Variants in NHSL1 observed in about 807,000 individuals in gnomAD.
NHSL1 encodes the protein NHS-like protein 1.
A neutral mutation model predicts 95.0 loss-of-function variants in NHSL1; 48 were observed. The ratio of observed to expected loss-of-function variants is 0.51; its 90% confidence interval spans 0.40 to 0.64. NHSL1 has a LOEUF of 0.64. NHSL1 is among the 30% of genes least tolerant of loss of function. The pLI, the probability that NHSL1 is intolerant of heterozygous loss-of-function variation, is 0.00. For missense variants in NHSL1, 1,971 were observed against 2,077.7 expected (o/e 0.95, Z 1.00); for synonymous variants, 783 against 833.9 (o/e 0.94, Z 1.05).
intron 1 of NHSL1, among the ~76,000 whole-genome samples, chr6:138,526,886 T>C (rs1196258692): frequency 6.6e-6 from 1 of 152,204 alleles, no homozygotes; most frequent in Non-Finnish European, 1.5e-5. Context: ...AATCAGCTGA[T>C]ACATCGTCAG....
chr6:138,543,795 T>C (rs935169865), intron 1 of NHSL1, among the ~76,000 whole-genome samples: 2 of 152,202 alleles, frequency 1.3e-5, no homozygotes, highest in Non-Finnish European at 2.9e-5. Flanking sequence ...AAAATCATTA[T>C]TGTAAATCAA....
chr6:138,489,801 A>AGAGAGAGG (rs1247522434), intron 2 of NHSL1, among the ~76,000 whole-genome samples: 7 of 128,464 alleles, frequency 5.4e-5, no homozygotes, highest in Admixed American at 2.5e-4. Context: ...GAAAGAAAGA[A>AGAGAGAGG]GAGAGAGGGA....
chr6:138,582,020 C>T (rs919288013), intron 1 of NHSL1, among the ~76,000 whole-genome samples: 1 of 151,794 alleles, frequency 6.6e-6, no homozygotes, highest in African/African-American at 2.4e-5. Context: ...CCTCCACCTC[C>T]CAAGTAGTTG....
intron 2 of NHSL1, among the ~76,000 whole-genome samples, chr6:138,475,697 G>C (rs1779026414): frequency 6.6e-6 from 1 of 152,088 alleles, no homozygotes; most frequent in Admixed American, 6.5e-5. Flanking sequence ...TGTAATCCCA[G>C]CACTTTGGGA....
chr6:138,592,062 A>T (rs1338412213), intron 1 of NHSL1, among the ~76,000 whole-genome samples: 1 of 152,206 alleles, frequency 6.6e-6, no homozygotes, highest in Non-Finnish European at 1.5e-5. Context: ...ATTCCATGAC[A>T]ATAAATGCAT....
chr6:138,452,202 A>G (rs988958624), intron 3 of NHSL1, among the ~76,000 whole-genome samples: 6 of 152,130 alleles, frequency 3.9e-5, no homozygotes, highest in Non-Finnish European at 8.8e-5. Context: ...AAATTGTTTC[A>G]TTTAGAAAGG....
intron 1 of NHSL1, among the ~76,000 whole-genome samples, chr6:138,515,906 TGA>T (rs1302603755): frequency 6.6e-6 from 1 of 152,158 alleles, no homozygotes; most frequent in African/African-American, 2.4e-5. Flanking sequence ...TTGGGAATAC[TGA>T]GTGTGTGTGT....
chr6:138,598,167 TA>T (rs1784325204), intron 1 of NHSL1, among the ~76,000 whole-genome samples: 1 of 151,942 alleles, frequency 6.6e-6, no homozygotes, highest in South Asian at 2.1e-4. Context: ...AATAATTTTT[TA>T]AAAAATTAGG....
chr6:138,631,014 C>A (rs2114658587), intron 1 of NHSL1, among the ~76,000 whole-genome samples: 1 of 152,266 alleles, frequency 6.6e-6, no homozygotes, highest in East Asian at 1.9e-4. Context: ...CTCCACCATC[C>A]CCCAGTGGCA....
Position 138,424,068 on chromosome 6 carries a change from T to TAA in NHSL1, c.*12_*13insTT. 1 of 1,361,934 alleles carries TAA rather than the reference T, an allele frequency of 7.3e-7. No homozygotes were observed. The highest frequency in any genetic ancestry group is 9.4e-7 in the Non-Finnish European group (1 of 1,059,586). The allele number at this position is 1,361,934 out of a possible 1,614,324, so 84.4% of individuals were successfully genotyped here. ...CTCCCCCCGTGTCACCTGGGAGAGT[T>TAA]ACGTTCTTGGCCCTAACTCTCCTCG... On this transcript the variant is annotated 3_prime_UTR_variant, in exon 8 of 8. Coordinates refer to ENST00000343505, the MANE Select transcript of NHSL1 (RefSeq NM_001144060.2). This position sits in a 1 kb window ranked among gnomAD's most constrained non-coding sequence, Gnocchi z 5.9.
chr6:138,510,439 A>G (rs1781166452), intron 1 of NHSL1, among the ~76,000 whole-genome samples: 1 of 152,216 alleles, frequency 6.6e-6, no homozygotes, highest in African/African-American at 2.4e-5. Flanking sequence ...TGAGGATAAT[A>G]TTTTATTTGA....
At chr6:138,595,733 A>G (rs73564381) in intron 1 of NHSL1, among the ~76,000 whole-genome samples, 4,304 of 152,284 alleles carry the variant, frequency 0.028, 197 homozygotes, top group African/African-American at 0.098. Context: ...TGTACAATGA[A>G]TGGGTAAGAA....
intron 2 of NHSL1, 82 bp from the exon 3 acceptor site, chr6:138,473,515 T>C (rs1778883344): frequency 7.7e-7 from 1 of 1,290,458 alleles, no homozygotes; most frequent in South Asian, 3.0e-5. Flanking sequence ...TACTCCTCTT[T>C]TTTACTTTTT....
In NHSL1 at chr6:138,609,251, T is replaced by C. The variant is rs11970149; in HGVS notation, c.96+83225A>G. Among the ~76,000 whole-genome samples the C allele has an allele frequency of 3.3e-3, 493 of 151,040 alleles. 4 individuals are homozygous for C. Among genetic ancestry groups the C allele is most frequent in the African/African-American group, 0.012 (469 of 40,446 alleles). ...AAGCTCATAGAAATGGTGCTGGACA[T>C]GGTGCAAGGGTGAGCTGGGACCAAA... is the stretch of plus-strand genomic sequence containing the variant. On this transcript the variant is annotated intron_variant, in intron 1 of 3. Transcript: ENST00000491526.
intron 1 of NHSL1, among the ~76,000 whole-genome samples, chr6:138,657,841 GA>G (rs943360875): frequency 3.0e-5 from 4 of 132,316 alleles, no homozygotes; most frequent in South Asian, 2.5e-4. Context: ...AAAAAAGAAA[GA>G]AAAAAAGAGT....
chr6:138,457,813 G>T, intron 3 of NHSL1, among the ~76,000 whole-genome samples: 1 of 152,126 alleles, frequency 6.6e-6, no homozygotes, highest in Non-Finnish European at 1.5e-5. Context: ...CCCAAGACCA[G>T]CCTGGTCAAC....
chr6:138,607,836 A>G (rs1317964968), intron 1 of NHSL1, among the ~76,000 whole-genome samples: 1 of 152,208 alleles, frequency 6.6e-6, no homozygotes, highest in Non-Finnish European at 1.5e-5. Flanking sequence ...TCAAATTCAT[A>G]CCTCCTAAGA....
intron 2 of NHSL1, among the ~76,000 whole-genome samples, chr6:138,477,187 T>C (rs1483217843): frequency 6.6e-6 from 1 of 152,210 alleles, no homozygotes; most frequent in Non-Finnish European, 1.5e-5. Flanking sequence ...CTTATCTATG[T>C]AATTCAGGGT....
At chr6:138,556,550 T>C (rs1359638921) in intron 1 of NHSL1, among the ~76,000 whole-genome samples, 1 of 151,072 alleles carries the variant, frequency 6.6e-6, no homozygotes, top group Non-Finnish European at 1.5e-5. Flanking sequence ...ATCAAAATAC[T>C]CATTGAGCAA....
Sources: gnomAD v4.1 joint callset for allele counts (sites outside exome capture counted in the v4.1 genomes callset) on GRCh38, gnomAD v4.1.1 for gene constraint, Gnocchi (gnomAD v3.1) non-coding constraint, MANE v1.5 for transcripts, NCBI Gene and HGNC (gene_info 2026-07-23, HGNC 2026-07-21) for gene names.